Variants in RTN1 observed in about 807,000 individuals in gnomAD.
RTN1 encodes reticulon-1.
RTN1 carries 25 observed loss-of-function variants against 65.5 expected under a neutral mutation model. That is an observed-to-expected ratio of 0.38 (90% confidence interval 0.28 to 0.53). RTN1 has a LOEUF of 0.53. Among genes scored for constraint, RTN1 ranks in the 20% least tolerant of loss-of-function variants. The pLI, the probability that RTN1 is intolerant of heterozygous loss-of-function variation, is 0.79. For missense variants in RTN1, 983 were observed against 1,025.4 expected, an observed-to-expected ratio of 0.96 and a Z score of 0.57; for synonymous variants, 471 against 447.6, an observed-to-expected ratio of 1.05 and a Z score of -0.66.
chr14:59,664,886 TTA>T (rs2140209975), intron 3 of RTN1, among the ~76,000 whole-genome samples: 1 of 152,294 alleles, frequency 6.6e-6, no homozygotes, highest in East Asian at 1.9e-4. Context: ...CACAGGATAA[TTA>T]TATGTTTCAT....
At chr14:59,806,899 G>C (rs1302520743) in intron 1 of RTN1, among the ~76,000 whole-genome samples, 1 of 152,154 alleles carries the variant, frequency 6.6e-6, no homozygotes, top group Non-Finnish European at 1.5e-5. Context: ...CCTTGTCTTT[G>C]CTATTGCAAA....
intron 1 of RTN1, among the ~76,000 whole-genome samples, chr14:59,749,538 TATATATATTTATATAG>T (rs1429486293): frequency 5.3e-5 from 3 of 56,474 alleles, no homozygotes; most frequent in African/African-American, 2.5e-4. Flanking sequence ...TATATCTATC[TATATATATTTATATAG>T]ATATCTATAT....
intron 1 of RTN1, among the ~76,000 whole-genome samples, chr14:59,835,476 A>G (rs528990297): frequency 6.6e-6 from 1 of 152,284 alleles, no homozygotes; most frequent in South Asian, 2.1e-4. Flanking sequence ...ACTTCAATAA[A>G]ACTTTTTTAA....
intron 3 of RTN1, among the ~76,000 whole-genome samples, chr14:59,630,163 C>T (rs1465087827): frequency 8.4e-6 from 1 of 119,254 alleles, no homozygotes; most frequent in African/African-American, 3.2e-5. Context: ...GCACAGATCC[C>T]AAAAGAACTC....
chr14:59,705,495 C>T (rs747448253), intron 3 of RTN1, among the ~76,000 whole-genome samples: 12 of 152,318 alleles, frequency 7.9e-5, no homozygotes, highest in South Asian at 2.1e-4. Context: ...ATGTGCCTCA[C>T]GTCCCAGTAA....
intron 1 of RTN1, among the ~76,000 whole-genome samples, chr14:59,817,347 C>T (rs1379371010): frequency 6.6e-6 from 1 of 152,114 alleles, no homozygotes; most frequent in Non-Finnish European, 1.5e-5. Flanking sequence ...GGGAAAACTG[C>T]ATTTTTTAAA....
chr14:59,866,683 T>C (rs1328584823), intron 1 of RTN1, among the ~76,000 whole-genome samples: 1 of 152,170 alleles, frequency 6.6e-6, no homozygotes, highest in Non-Finnish European at 1.5e-5. Context: ...TTATTCATCT[T>C]ATATGTTTCT....
chr14:59,671,469 C>CATATTAA (rs1883503337), intron 3 of RTN1, among the ~76,000 whole-genome samples: 1 of 152,176 alleles, frequency 6.6e-6, no homozygotes, highest in Non-Finnish European at 1.5e-5. Flanking sequence ...AACAATCGCA[C>CATATTAA]ATATTAACAT....
chr14:59,657,849 G>GT (rs35610360), intron 3 of RTN1, among the ~76,000 whole-genome samples: 1 of 151,924 alleles, frequency 6.6e-6, no homozygotes, highest in Non-Finnish European at 1.5e-5. Context: ...AGCTGCAGGA[G>GT]TTTTTTTTCA....
intron 3 of RTN1, among the ~76,000 whole-genome samples, chr14:59,617,416 A>G (rs1434551656): frequency 2.0e-5 from 3 of 152,258 alleles, no homozygotes; most frequent in Admixed American, 2.0e-4. Flanking sequence ...ACAGAGTTCT[A>G]TCAAAGCCAA....
chr14:59,675,135 G>A (rs1404283501), intron 3 of RTN1, among the ~76,000 whole-genome samples: 1 of 152,082 alleles, frequency 6.6e-6, no homozygotes, highest in Admixed American at 6.5e-5. Flanking sequence ...AGCTCAGTGA[G>A]TTATGGTGCA....
chr14:59,634,133 G>A (rs927460935), intron 3 of RTN1, among the ~76,000 whole-genome samples: 10 of 152,172 alleles, frequency 6.6e-5, no homozygotes, highest in African/African-American at 2.4e-4. Context: ...GAGGTGAGGT[G>A]AAAATTTGCT....
chr14:59,760,560 G>A (rs1433191345), intron 1 of RTN1, among the ~76,000 whole-genome samples: 1 of 152,158 alleles, frequency 6.6e-6, no homozygotes, highest in Non-Finnish European at 1.5e-5. Context: ...TAAGAGTGTT[G>A]CACAAACTAT....
At chr14:59,611,411 T>C (rs186959921) in intron 3 of RTN1, among the ~76,000 whole-genome samples, 206 of 152,344 alleles carry the variant, frequency 1.4e-3, no homozygotes, top group Non-Finnish European at 9.3e-4. Context: ...TGGGGAGATG[T>C]CCTTTAACTG....
intron 3 of RTN1, among the ~76,000 whole-genome samples, chr14:59,632,276 G>T (rs1286553779): frequency 1.3e-5 from 2 of 152,080 alleles, no homozygotes; most frequent in South Asian, 2.1e-4. Context: ...CTACTCTAAG[G>T]TTATTCTTGA....
intron 3 of RTN1, among the ~76,000 whole-genome samples, chr14:59,619,472 A>C (rs1882196936): frequency 6.6e-6 from 1 of 152,360 alleles, no homozygotes; most frequent in East Asian, 1.9e-4. Context: ...CTCAGTTAAC[A>C]TGGTCCTTAA....
At chr14:59,639,380 A>G (rs1882730001) in intron 3 of RTN1, among the ~76,000 whole-genome samples, 1 of 152,236 alleles carries the variant, frequency 6.6e-6, no homozygotes. Context: ...AACTTACTCA[A>G]TGCAGGTTTG....
At position 59,816,336 on chromosome 14, in the gene RTN1, G is replaced by A. The variant is rs886410472; in HGVS notation, c.241+54054C>T. Among the ~76,000 whole-genome samples the A allele has an allele frequency of 1.3e-5, 2 of 151,928 alleles. No homozygotes were observed. Among genetic ancestry groups the A allele is most frequent in the African/African-American group, 2.4e-5 (1 of 41,350 alleles). On this transcript the variant is annotated intron_variant, in intron 1 of 8. Coordinates refer to ENST00000267484, the MANE Select transcript of RTN1 (RefSeq NM_021136.3). The surrounding 1 kb of genome is among the most constrained non-coding windows in gnomAD (Gnocchi z 4.3). ...TCCCTGGAAGCCTCTGTCCACTCTC[G>A]CCCATCTCCACTTTGTCCATTTCTC... is the stretch of plus-strand genomic sequence containing the variant.
In RTN1 at chr14:59,803,102, C is replaced by T. The variant is rs2277506; in HGVS notation, c.242-56621G>A. 3.8e-3 allele frequency among the ~76,000 whole-genome samples: 579 copies of T among 152,172 alleles called. 19 individuals are homozygous for T. In the East Asian group the frequency reaches 0.057, roughly 15 times the overall value. On this transcript the variant is annotated intron_variant, in intron 1 of 8. Transcript: ENST00000267484. The surrounding 1 kb of genome is among the most constrained non-coding windows in gnomAD (Gnocchi z 5.6). ...TAAGCACACAGGCCATGCAGAAAAC[C>T]GCTGTCTATCTAAATGAAATCAAAA...
Sources: gnomAD v4.1 joint callset for allele counts (sites outside exome capture counted in the v4.1 genomes callset) on GRCh38, gnomAD v4.1.1 for gene constraint, Gnocchi (gnomAD v3.1) non-coding constraint, MANE v1.5 for transcripts, NCBI Gene and HGNC (gene_info 2026-07-23, HGNC 2026-07-21) for gene names.